PRKG2: variants seen among roughly 807,000 people sequenced by gnomAD.
PRKG2 encodes protein kinase cGMP-dependent 2, also known as cGMP-dependent protein kinase 2.
In PRKG2, 33 loss-of-function variants were observed where a neutral mutation model predicts 97.2. The ratio of observed to expected loss-of-function variants is 0.34; its 90% CI spans 0.26 to 0.45. The LOEUF (loss-of-function observed/expected upper bound fraction) is 0.45, where lower values mean the gene tolerates loss of function less well. Ranked by LOEUF, PRKG2 falls within the 20% of genes least tolerant of loss-of-function variation. PRKG2 has a pLI of 1.00. For synonymous variants in PRKG2, 330 were observed against 321.8 expected (o/e 1.03, Z -0.27); for missense variants, 638 against 900.0 (o/e 0.71, Z 3.73).
intron 2 of PRKG2, among the ~76,000 whole-genome samples, chr4:81,203,668 C>A (rs1753454281): frequency 6.6e-6 from 1 of 152,010 alleles, no homozygotes; most frequent in Non-Finnish European, 1.5e-5. Flanking sequence ...ATGAGTCTTC[C>A]CTGACCCAGA....
intron 2 of PRKG2, among the ~76,000 whole-genome samples, chr4:81,188,760 A>C (rs1468285220): frequency 8.8e-6 from 1 of 113,316 alleles, no homozygotes; most frequent in Non-Finnish European, 1.6e-5. Flanking sequence ...ATTCTCAGTA[A>C]ACTATCGCAA....
At position 81,153,761 on chromosome 4, in the gene PRKG2, G is replaced by C. The variant is rs756154262; in HGVS notation, c.913-40C>G. ...GAGAAAGAAAATGTAAGAGCGGGTGGAGCCAAGATGGCCTAATAGGAACAG... is the reference window on the plus strand; with the variant it reads ...GAGAAAGAAAATGTAAGAGCGGGTGCAGCCAAGATGGCCTAATAGGAACAG... On this transcript the variant is annotated intron_variant, in intron 6 of 18. Coordinates refer to ENST00000264399, the MANE Select transcript of PRKG2 (RefSeq NM_006259.3). 24 of 1,461,838 alleles carry C rather than the reference G, an allele frequency of 1.6e-5. No individual in the cohort carries two copies. The East Asian group carries it at 5.4e-4, about 33-fold the overall frequency. The allele number at this position is 1,461,838 out of a possible 1,614,324, so 90.6% of individuals were successfully genotyped here.
intron 14 of PRKG2, among the ~76,000 whole-genome samples, chr4:81,127,660 T>C (rs996139953): frequency 1.3e-5 from 2 of 152,196 alleles, no homozygotes; most frequent in African/African-American, 4.8e-5. Context: ...AGAATGCTTC[T>C]AATTTTGACA....
chr4:81,189,094 A>AAAAAAAAAAAAT (rs1553930140), intron 2 of PRKG2, among the ~76,000 whole-genome samples: 10 of 109,998 alleles, frequency 9.1e-5, no homozygotes, highest in African/African-American at 1.7e-4. Flanking sequence ...AAAAAAAAAG[A>AAAAAAAAAAAAT]AGCTAGCAAT....
At chr4:81,119,568 C>T (rs1744873113) in intron 14 of PRKG2, among the ~76,000 whole-genome samples, 1 of 152,142 alleles carries the variant, frequency 6.6e-6, no homozygotes, top group Non-Finnish European at 1.5e-5. Flanking sequence ...TGTTTTCCTT[C>T]AATGTTACAT....
At chr4:81,213,154 G>A (rs565887121) in intron 1 of PRKG2, among the ~76,000 whole-genome samples, 2 of 152,282 alleles carry the variant, frequency 1.3e-5, no homozygotes, top group South Asian at 4.1e-4. Flanking sequence ...TGAGATGCTT[G>A]TGGGTCATCA....
At chr4:81,112,532 G>C (rs1009115299) in intron 14 of PRKG2, among the ~76,000 whole-genome samples, 2 of 152,258 alleles carry the variant, frequency 1.3e-5, no homozygotes, top group Non-Finnish European at 2.9e-5. Context: ...AAGCTTACCA[G>C]CTATTTAGGA....
intron 1 of PRKG2, among the ~76,000 whole-genome samples, chr4:81,211,422 G>T (rs185615960): frequency 6.6e-6 from 1 of 152,258 alleles, no homozygotes; most frequent in Admixed American, 6.5e-5. Context: ...ACAGTCAAGG[G>T]ACAGGCTGAA....
intron 9 of PRKG2, among the ~76,000 whole-genome samples, chr4:81,146,680 T>C (rs1285314586): frequency 1.3e-5 from 2 of 152,180 alleles, no homozygotes; most frequent in African/African-American, 2.4e-5. Flanking sequence ...CCAAGGACTA[T>C]GTCAAAGGCT....
intron 15 of PRKG2, 64 bp from the exon 16 acceptor site, chr4:81,105,999 A>C: frequency 6.6e-7 from 1 of 1,518,350 alleles, no homozygotes; most frequent in South Asian, 1.3e-5. Context: ...ATTTGGAATG[A>C]ATTTTCTTTC....
chr4:81,087,836 A>T lies in PRKG2; in HGVS notation c.*1872T>A, dbSNP rs1260483921. The T allele has an allele frequency of 6.6e-6, 1 of 152,138 alleles. No homozygotes were observed. Among genetic ancestry groups the T allele is most frequent in the Non-Finnish European group, 1.5e-5 (1 of 67,990 alleles). 9.4% of individuals were successfully genotyped at this position (152,138 alleles called of 1,614,324 possible). ...GACATGGTCAATCACAGGAAAAATA[A>T]ACCTGTAGTACTCTAACTTGGTTAT... On this transcript the variant is annotated 3_prime_UTR_variant, in exon 19 of 19. Coordinates refer to ENST00000264399, the MANE Select transcript of PRKG2 (RefSeq NM_006259.3).
intron 1 of PRKG2, among the ~76,000 whole-genome samples, chr4:81,208,664 C>T (rs1393155356): frequency 6.6e-6 from 1 of 152,036 alleles, no homozygotes; most frequent in Non-Finnish European, 1.5e-5. Flanking sequence ...GGGCTCAAAC[C>T]ACCCTTCTGC....
chr4:81,190,624 A>C (rs1341386879), intron 2 of PRKG2, among the ~76,000 whole-genome samples: 2 of 152,220 alleles, frequency 1.3e-5, no homozygotes, highest in Non-Finnish European at 2.9e-5. Context: ...GCACAGCAAA[A>C]GAAAATGTCA....
chr4:81,150,091 G>C (rs6855026), intron 8 of PRKG2, among the ~76,000 whole-genome samples: 139 of 152,278 alleles, frequency 9.1e-4, no homozygotes, highest in African/African-American at 3.2e-3. Context: ...TAGAGATAGA[G>C]ATAGAGATGG....
At chr4:81,129,791 C>T (rs961514290) in intron 14 of PRKG2, among the ~76,000 whole-genome samples, 1 of 152,092 alleles carries the variant, frequency 6.6e-6, no homozygotes, top group African/African-American at 2.4e-5. Context: ...ATCCAATTTG[C>T]CACTCTGTGT....
chr4:81,133,728 G>A (rs1401490739), intron 14 of PRKG2, among the ~76,000 whole-genome samples: 1 of 151,900 alleles, frequency 6.6e-6, no homozygotes, highest in Non-Finnish European at 1.5e-5. Flanking sequence ...TAGCTGATTG[G>A]CAAATGAATT....
chr4:81,208,286 G>A (rs1240119180), intron 1 of PRKG2, among the ~76,000 whole-genome samples: 1 of 152,162 alleles, frequency 6.6e-6, no homozygotes, highest in Non-Finnish European at 1.5e-5. Context: ...CAGACATGAA[G>A]TAGGTAAGCA....
intron 18 of PRKG2, among the ~76,000 whole-genome samples, chr4:81,090,733 G>A (rs1741452064): frequency 6.6e-6 from 1 of 152,146 alleles, no homozygotes. Flanking sequence ...TTCAGAAGGA[G>A]CTCAAAGTGA....
chr4:81,098,297 A>G (rs1742328851), intron 17 of PRKG2, among the ~76,000 whole-genome samples: 1 of 148,024 alleles, frequency 6.8e-6, no homozygotes, highest in Non-Finnish European at 1.5e-5. Context: ...CCTGCAGCCT[A>G]TTGTGGGACC....
Sources: gnomAD v4.1 joint callset for allele counts (sites outside exome capture counted in the v4.1 genomes callset) on GRCh38, gnomAD v4.1.1 for gene constraint, MANE v1.5 for transcripts, NCBI Gene and HGNC (gene_info 2026-07-23, HGNC 2026-07-21) for gene names.